GALNT18: variants seen among roughly 807,000 people sequenced by gnomAD.
The protein encoded by GALNT18 is GalNAc-transferase 18.
Under a neutral mutation model 69.5 loss-of-function variants are expected in GALNT18, and 44 were observed. The ratio of observed to expected loss-of-function variants is 0.63; its 90% CI spans 0.50 to 0.81. The LOEUF (loss-of-function observed/expected upper bound fraction) is 0.81, where lower values mean the gene tolerates loss of function less well. Ranked by LOEUF, GALNT18 falls within the 40% of genes least tolerant of loss-of-function variation. The pLI, the probability that GALNT18 is intolerant of heterozygous loss-of-function variation, is 0.00. For missense variants in GALNT18, 715 were observed against 810.0 expected, an observed-to-expected ratio of 0.88 and a Z score of 1.42; for synonymous variants, 364 against 318.2, an observed-to-expected ratio of 1.14 and a Z score of -1.53.
rs79467579 is a variant in GALNT18, at chr11:11,466,189, A to G, written c.236-17253T>C. On this transcript the variant is annotated intron_variant, in intron 1 of 10. Transcript: ENST00000227756. The stretch of plus-strand genomic sequence containing the variant: ...GAAGGAATGCTGTTCATGACCTAGT[A>G]AATTGATTTCATGGCCTGCTGGGTG... Among the ~76,000 whole-genome samples the G allele has an allele frequency of 5.1e-3, 783 of 152,364 alleles. 9 individuals carry two copies. Among genetic ancestry groups the G allele is most frequent in the African/African-American group, 0.018 (744 of 41,588 alleles).
chr11:11,279,722 T>C (rs913081416), intron 10 of GALNT18, among the ~76,000 whole-genome samples: 1 of 152,102 alleles, frequency 6.6e-6, no homozygotes, highest in Non-Finnish European at 1.5e-5. Flanking sequence ...GTCAGGATGG[T>C]GGTCAGCTCT....
chr11:11,277,308 T>C (rs1169746788), intron 10 of GALNT18, among the ~76,000 whole-genome samples: 2 of 152,244 alleles, frequency 1.3e-5, no homozygotes, highest in East Asian at 3.8e-4. Flanking sequence ...TAGAGGTGTT[T>C]ACAGTATTCT....
intron 10 of GALNT18, among the ~76,000 whole-genome samples, chr11:11,272,209 A>T (rs1848842139): frequency 6.6e-6 from 1 of 152,188 alleles, no homozygotes; most frequent in Admixed American, 6.5e-5. Context: ...TTTGTGTGAG[A>T]AACATGGACA....
At chr11:11,393,890 C>A (rs1444939072) in intron 3 of GALNT18, among the ~76,000 whole-genome samples, 3 of 152,222 alleles carry the variant, frequency 2.0e-5, no homozygotes, top group East Asian at 3.8e-4. Flanking sequence ...CCCCAAATAT[C>A]AAAAATATTG....
At chr11:11,392,384 C>T (rs1345403410) in intron 3 of GALNT18, among the ~76,000 whole-genome samples, 1 of 152,182 alleles carries the variant, frequency 6.6e-6, no homozygotes, top group African/African-American at 2.4e-5. Context: ...CTCTGGGAGG[C>T]CGAGGCAGGC....
rs1253971060 is a variant in GALNT18, at chr11:11,573,533, C to T, written c.235+47826G>A. On this transcript the variant is annotated intron_variant, in intron 1 of 10. Transcript: ENST00000227756. This position sits in a 1 kb window ranked among gnomAD's most constrained non-coding sequence, Gnocchi z 4.6. Reference sequence around the variant, plus strand: ...TTTTCCTTATTTTACAGATGCAGAACCTGATGCCCAGCAAAGGGGAAAGGA... The same window carrying T: ...TTTTCCTTATTTTACAGATGCAGAATCTGATGCCCAGCAAAGGGGAAAGGA... 6.6e-6 allele frequency: 1 copy of T among 152,150 alleles called. No homozygotes were observed. The highest frequency in any genetic ancestry group is 2.4e-5 in the African/African-American group (1 of 41,414). The allele number at this position is 152,150 out of a possible 1,614,324, so 9.4% of individuals were successfully genotyped here.
intron 1 of GALNT18, among the ~76,000 whole-genome samples, chr11:11,535,113 C>T (rs769747573): frequency 2.0e-5 from 3 of 152,200 alleles, no homozygotes; most frequent in African/African-American, 2.4e-5. Context: ...TCCAAAGTCC[C>T]GTGGAGTATC....
At position 11,402,773 on chromosome 11, in the gene GALNT18, T is replaced by C. The variant is rs917272823; in HGVS notation, c.596-23509A>G. 4.1e-4 allele frequency among the ~76,000 whole-genome samples: 63 copies of C among 152,224 alleles called. 2 individuals are homozygous for C. Among genetic ancestry groups the C allele is most frequent in the Non-Finnish European group, 1.5e-4 (10 of 68,042 alleles). ...TGCAGCTGCGGGTAAGAACAGCGTC[T>C]GCAGGAGGGAAATAGGAAGATATAA... On this transcript the variant is annotated intron_variant, in intron 3 of 10. Coordinates refer to ENST00000227756, the MANE Select transcript of GALNT18 (RefSeq NM_198516.3). This position sits in a 1 kb window ranked among gnomAD's most constrained non-coding sequence, Gnocchi z 4.0.
At chr11:11,464,105 T>A (rs182788526) in intron 1 of GALNT18, among the ~76,000 whole-genome samples, 78 of 152,306 alleles carry the variant, frequency 5.1e-4, no homozygotes, top group African/African-American at 1.7e-3. Context: ...TATCTATCTC[T>A]GTCAGCCATG....
At chr11:11,292,429 T>C (rs1849317650) in intron 10 of GALNT18, among the ~76,000 whole-genome samples, 1 of 152,130 alleles carries the variant, frequency 6.6e-6, no homozygotes, top group African/African-American at 2.4e-5. Flanking sequence ...AACAGAGACT[T>C]AATAAAGGAA....
rs77146688 is a variant in GALNT18 at position 11,463,714 on chromosome 11, A to C, written c.236-14778T>G. ...TCCCAACCCCAGGCCCTGGCAGGAT[A>C]GGGAAAGGCTTTGAATCCACGTCAA... is the stretch of plus-strand genomic sequence containing the variant. On this transcript the variant is annotated intron_variant, in intron 1 of 10. Coordinates refer to ENST00000227756, the MANE Select transcript of GALNT18 (RefSeq NM_198516.3). This position sits in a 1 kb window ranked among gnomAD's most constrained non-coding sequence, Gnocchi z 4.2. Among the ~76,000 whole-genome samples, 9,329 of 152,308 alleles carry C rather than the reference A, an allele frequency of 0.061. 385 individuals are homozygous for C. The highest frequency in any genetic ancestry group is 0.16 in the South Asian group (754 of 4,826).
intron 10 of GALNT18, among the ~76,000 whole-genome samples, chr11:11,282,716 G>C (rs1365707681): frequency 6.6e-6 from 1 of 152,096 alleles, no homozygotes; most frequent in African/African-American, 2.4e-5. Context: ...TCCTCTGAGG[G>C]CCCTCTGCAG....
At chr11:11,429,916 G>A (rs1855228279) in intron 3 of GALNT18, among the ~76,000 whole-genome samples, 1 of 152,172 alleles carries the variant, frequency 6.6e-6, no homozygotes, top group African/African-American at 2.4e-5. Flanking sequence ...GAGGCAGGAG[G>A]ATTGCTTGAG....
chr11:11,275,347 G>A lies in GALNT18; in HGVS notation c.1678-4057C>T, dbSNP rs552159194. ...TGTTGGCTGCATAAATGTCTTTTGA[G>A]AAGTGTCTGTTCATATCCTTTACCC... On this transcript the variant is annotated intron_variant, in intron 10 of 10. Coordinates refer to ENST00000227756, the MANE Select transcript of GALNT18 (RefSeq NM_198516.3). 3.3e-5 allele frequency among the ~76,000 whole-genome samples: 5 copies of A among 149,478 alleles called. No homozygotes were observed. The South Asian group carries it at 8.6e-4, about 26-fold the overall frequency.
At chr11:11,352,680 C>T in intron 6 of GALNT18, 1 of 1,613,384 alleles carries the variant, frequency 6.2e-7, no homozygotes, top group Non-Finnish European at 8.5e-7. Context: ...CATGCTGTGA[C>T]AATAATCCAG....
At chr11:11,580,299 G>A (rs959946247) in intron 1 of GALNT18, among the ~76,000 whole-genome samples, 1 of 152,124 alleles carries the variant, frequency 6.6e-6, no homozygotes, top group Non-Finnish European at 1.5e-5. Flanking sequence ...AGCAAGGAAG[G>A]TGCCATCTTA....
intron 3 of GALNT18, among the ~76,000 whole-genome samples, chr11:11,411,787 G>A (rs1388959792): frequency 6.6e-6 from 1 of 152,220 alleles, no homozygotes; most frequent in African/African-American, 2.4e-5. Context: ...CAGGGGAAGA[G>A]GCTGAGCAAA....
rs754130671 is a variant in GALNT18 at position 11,497,767 on chromosome 11, T to TATATATATAC, written c.236-48832_236-48831insGTATATATAT. 7.6e-5 allele frequency among the ~76,000 whole-genome samples: 11 copies of TATATATATAC among 144,826 alleles called. No homozygotes were observed. The highest frequency in any genetic ancestry group is 2.8e-4 in the African/African-American group (11 of 39,510). ...CATATTTTCTATATATATATATATA[T>TATATATATAC]ACACACACACACACATACACACAAA... On this transcript the variant is annotated intron_variant, in intron 1 of 10. Coordinates refer to ENST00000227756, the MANE Select transcript of GALNT18 (RefSeq NM_198516.3). This position sits in a 1 kb window ranked among gnomAD's most constrained non-coding sequence, Gnocchi z 4.2.
Position 11,584,181 on chromosome 11 carries a change from TG to T in GALNT18, c.235+37177del, listed in dbSNP as rs1370665945. Among the ~76,000 whole-genome samples the T allele has an allele frequency of 6.6e-6, 1 of 151,980 alleles. No individual in the cohort carries two copies. The highest frequency in any genetic ancestry group is 1.5e-5 in the Non-Finnish European group (1 of 68,022). Reference sequence around the variant, plus strand: ...ACTTGGTTCCAAATGGTAGGACAAGTGGGCCAGCGGCAATAAAATTAGAGCA... The same window carrying T: ...ACTTGGTTCCAAATGGTAGGACAAGTGGCCAGCGGCAATAAAATTAGAGCA... On this transcript the variant is annotated intron_variant, in intron 1 of 10. Coordinates refer to ENST00000227756, the MANE Select transcript of GALNT18 (RefSeq NM_198516.3). This position sits in a 1 kb window ranked among gnomAD's most constrained non-coding sequence, Gnocchi z 4.1.
Sources: allele counts gnomAD v4.1 joint callset (sites outside exome capture counted in the v4.1 genomes callset), GRCh38; gene constraint gnomAD v4.1.1; non-coding constraint Gnocchi (gnomAD v3.1); transcripts MANE v1.5; gene names NCBI Gene and HGNC (gene_info 2026-07-23, HGNC 2026-07-21).